NFATC1: variants seen among roughly 807,000 people sequenced by gnomAD.
NFATC1 encodes nuclear factor of activated T cells 1.
A neutral mutation model predicts 76.0 loss-of-function variants in NFATC1; 22 were observed. The ratio of observed to expected loss-of-function variants is 0.29; its 90% CI spans 0.21 to 0.41. NFATC1 has a LOEUF of 0.41. Ranked by LOEUF, NFATC1 falls within the 10% of genes least tolerant of loss-of-function variation. The pLI is 1.00. For missense variants in NFATC1, 1,357 were observed against 1,337.7 expected (o/e 1.01, Z -0.23); for synonymous variants, 704 against 613.1 (o/e 1.15, Z -2.19).
At chr18:79,478,562 G>A (rs2089164512) in intron 8 of NFATC1, among the ~76,000 whole-genome samples, 1 of 152,208 alleles carries the variant, frequency 6.6e-6, no homozygotes, top group Non-Finnish European at 1.5e-5. Flanking sequence ...GGTAGGGATG[G>A]CAGCCCATTT....
At chr18:79,485,974 A>C (rs1451916523) in intron 8 of NFATC1, among the ~76,000 whole-genome samples, 1 of 151,918 alleles carries the variant, frequency 6.6e-6, no homozygotes, top group Non-Finnish European at 1.5e-5. Flanking sequence ...TGGGTCCAGG[A>C]CTCCCACTGC....
chr18:79,466,601 C>T (rs1248466172), intron 7 of NFATC1, among the ~76,000 whole-genome samples: 2 of 152,214 alleles, frequency 1.3e-5, no homozygotes, highest in Non-Finnish European at 2.9e-5. Flanking sequence ...ATGCTGCTGG[C>T]TGTTACATTA....
At position 79,507,702 on chromosome 18, in the gene NFATC1, C is replaced by A. The variant is rs1482216575; in HGVS notation, c.2783-19826C>A. Among the ~76,000 whole-genome samples, 16 of 152,378 alleles carry A rather than the reference C, an allele frequency of 1.1e-4. No homozygotes were observed. The East Asian group carries it at 2.1e-3, about 20-fold the overall frequency. ...AAAGGACACCAGGCTTCTGCACCCC[C>A]ACCCGTGATGTGTTGCAAGAAGCCT... On this transcript the variant is annotated intron_variant, in intron 9 of 9. Coordinates refer to ENST00000427363, the MANE Select transcript of NFATC1 (RefSeq NM_001278669.2).
Position 79,528,765 on chromosome 18 carries a change from C to G in NFATC1, c.*1188C>G, listed in dbSNP as rs1022025490. The G allele has an allele frequency of 1.3e-5, 2 of 152,374 alleles. No homozygotes were observed. Among genetic ancestry groups the G allele is most frequent in the Admixed American group, 1.3e-4 (2 of 15,288 alleles). The allele number at this position is 152,374 out of a possible 1,614,324, so 9.4% of individuals were successfully genotyped here. ...AACGCCACTTTAATGCTCAGCCCTGCGTTGTGTGTTTTCAGATGAGTTACT... is the reference window on the plus strand; with the variant it reads ...AACGCCACTTTAATGCTCAGCCCTGGGTTGTGTGTTTTCAGATGAGTTACT... On this transcript the variant is annotated 3_prime_UTR_variant, in exon 10 of 10. Transcript: ENST00000427363.
chr18:79,443,733 A>G (rs1344852431), intron 3 of NFATC1, among the ~76,000 whole-genome samples: 1 of 152,128 alleles, frequency 6.6e-6, no homozygotes, highest in African/African-American at 2.4e-5. Context: ...GGTACGATCG[A>G]TCCTGGTCCT....
chr18:79,458,911 C>T (rs1159171371), intron 6 of NFATC1, among the ~76,000 whole-genome samples: 1 of 152,222 alleles, frequency 6.6e-6, no homozygotes. Flanking sequence ...CATTTCTGGC[C>T]GTGAATACTA....
intron 2 of NFATC1, among the ~76,000 whole-genome samples, chr18:79,425,675 C>G (rs1184031329): frequency 6.6e-6 from 1 of 150,922 alleles, no homozygotes; most frequent in Admixed American, 6.6e-5. Context: ...GGAGTCGGGG[C>G]GACTCATGAG....
chr18:79,510,685 G>A (rs1272022713), intron 9 of NFATC1, among the ~76,000 whole-genome samples: 1 of 152,230 alleles, frequency 6.6e-6, no homozygotes, highest in Non-Finnish European at 1.5e-5. Context: ...AGTCTGCTGG[G>A]TTTGGGAGCG....
chr18:79,460,866 G>A (rs1205791890), intron 6 of NFATC1, among the ~76,000 whole-genome samples: 2 of 152,180 alleles, frequency 1.3e-5, no homozygotes, highest in Non-Finnish European at 2.9e-5. Flanking sequence ...TCCACGCACA[G>A]ACGCCCTGCA....
intron 2 of NFATC1, chr18:79,421,367 A>G (rs1175265127): frequency 6.6e-6 from 1 of 152,254 alleles, no homozygotes; most frequent in Non-Finnish European, 1.5e-5. Context: ...ACGGGCAGAC[A>G]GGTCGAGTGT....
intron 9 of NFATC1, among the ~76,000 whole-genome samples, chr18:79,513,373 G>A (rs2090305985): frequency 6.6e-6 from 1 of 152,154 alleles, no homozygotes; most frequent in African/African-American, 2.4e-5. Context: ...CCAGGCTTGA[G>A]GATCTTTCCC....
In NFATC1 at chr18:79,448,868, C is replaced by T. The variant is rs749765927; in HGVS notation, c.1473C>T (p.Phe491=). 3.7e-6 allele frequency: 6 copies of T among 1,613,700 alleles called. No individual in the cohort carries two copies. Among genetic ancestry groups the T allele is most frequent in the Admixed American group, 1.7e-5 (1 of 60,014 alleles). ...ACCGCCTGCTGCGCCCGCACGCCTT[C>T]TACCAGGTGCACCGCATCACAGGGA... ...ADDRLLRPHA[F]YQVHRITGKT... Residue 491 remains phenylalanine, a synonymous_variant, in exon 4 of 10, where the codon TTC becomes TTT. Transcript: ENST00000427363.
At chr18:79,406,519 G>T (rs1449741791) in intron 1 of NFATC1, among the ~76,000 whole-genome samples, 1 of 152,214 alleles carries the variant, frequency 6.6e-6, no homozygotes, top group Non-Finnish European at 1.5e-5. Context: ...GTGTGAGATG[G>T]AAGCTGGTTC....
In NFATC1 at chr18:79,486,664, G is replaced by C; in HGVS notation, c.2509G>C (p.Gly837Arg). 6 of 1,603,872 alleles carry C rather than the reference G, an allele frequency of 3.7e-6. No homozygotes were observed. Among genetic ancestry groups the C allele is most frequent in the Non-Finnish European group, 5.1e-6 (6 of 1,177,852 alleles). ...SAPPSSSCPPGLEHSLCPSSP... is the reference protein window; with the variant it reads ...SAPPSSSCPPRLEHSLCPSSP... ...GCCTCCAAGCAGTAGCTGCCCCCCT[G>C]GTCTCGAACACTCGCTCTGCCCCAG... Residue 837 changes from glycine (G) to arginine (R), a missense_variant, in exon 9 of 10, where the codon GGT (glycine) becomes CGT (arginine). Physicochemically the swap from Gly to Arg is moderately radical, Grantham distance 125. Coordinates refer to ENST00000427363, the MANE Select transcript of NFATC1 (RefSeq NM_001278669.2).
Position 79,486,834 on chromosome 18 carries a change from G to T in NFATC1, c.2679G>T (p.Arg893=). 6.2e-7 allele frequency: 1 copy of T among 1,611,912 alleles called. No homozygotes were observed. The highest frequency in any genetic ancestry group is 8.5e-7 in the Non-Finnish European group (1 of 1,179,538). ...ACGAGTCTCCGACTGCCGGGCCACGGCTGCTGCCAGAGGTGCATGAGGACG... is the reference window on the plus strand; with the variant it reads ...ACGAGTCTCCGACTGCCGGGCCACGTCTGCTGCCAGAGGTGCATGAGGACG... The part of the protein sequence containing the change: ...RRDESPTAGP[R]LLPEVHEDGS... Residue 893 remains arginine, a synonymous_variant, in exon 9 of 10, where the codon CGG becomes CGT. Transcript: ENST00000427363.
Position 79,465,633 on chromosome 18 carries a change from A to G in NFATC1, c.1960-1817A>G, listed in dbSNP as rs1340149413. ...TGTGAGTGCCTCCCGGCCCGTTACT[A>G]TTTCAGTCTCGGCTTCCATGAGACG... On this transcript the variant is annotated intron_variant, in intron 7 of 9. Coordinates refer to ENST00000427363, the MANE Select transcript of NFATC1 (RefSeq NM_001278669.2). This position sits in a 1 kb window ranked among gnomAD's most constrained non-coding sequence, Gnocchi z 4.2. 1.3e-5 allele frequency among the ~76,000 whole-genome samples: 2 copies of G among 151,916 alleles called. No individual in the cohort carries two copies. Among genetic ancestry groups the G allele is most frequent in the East Asian group, 3.9e-4 (2 of 5,186 alleles).
chr18:79,477,178 C>T (rs1056093882), intron 8 of NFATC1, among the ~76,000 whole-genome samples: 8 of 152,320 alleles, frequency 5.3e-5, no homozygotes, highest in Middle Eastern at 6.8e-3. Context: ...AGTCATGCCC[C>T]GGAGGTGTCA....
At chr18:79,428,102 G>A (rs1350411383) in intron 2 of NFATC1, among the ~76,000 whole-genome samples, 2 of 150,056 alleles carry the variant, frequency 1.3e-5, no homozygotes, top group Admixed American at 6.6e-5. Flanking sequence ...GCCTCTGTGC[G>A]GTGGGTTGGG....
intron 9 of NFATC1, among the ~76,000 whole-genome samples, chr18:79,506,472 A>G (rs1405129180): frequency 6.6e-6 from 1 of 152,020 alleles, no homozygotes; most frequent in Admixed American, 6.5e-5. Flanking sequence ...TGCCCTCCAC[A>G]CAGCCCTTGG....
Sources: gnomAD v4.1 joint callset for allele counts (sites outside exome capture counted in the v4.1 genomes callset) on GRCh38, gnomAD v4.1.1 for gene constraint, Gnocchi (gnomAD v3.1) non-coding constraint, MANE v1.5 for transcripts, NCBI Gene and HGNC (gene_info 2026-07-23, HGNC 2026-07-21) for gene names.